Variants in ABL1 observed in about 807,000 individuals in gnomAD.
ABL1 encodes tyrosine-protein kinase ABL1.
ABL1 carries 11 observed loss-of-function variants against 94.7 expected under a neutral mutation model. That is an observed-to-expected ratio of 0.12 (90% CI 0.07 to 0.19). The LOEUF (loss-of-function observed/expected upper bound fraction) is 0.19, where lower values mean the gene tolerates loss of function less well. Among genes scored for constraint, ABL1 ranks in the 10% least tolerant of loss-of-function variants. The probability of loss-of-function intolerance (pLI) is 1.00; values close to 1 mark genes in which losing one functional copy is unlikely to be tolerated. For synonymous variants in ABL1, 656 were observed against 622.4 expected (o/e 1.05, Z -0.80); for missense variants, 1,082 against 1,489.4 (o/e 0.73, Z 4.50).
intron 1 of ABL1, among the ~76,000 whole-genome samples, chr9:130,723,434 A>G (rs11790066): frequency 0.077 from 11,648 of 152,216 alleles, 570 homozygotes; most frequent in Non-Finnish European, 0.11. Context: ...TTGTCTAGCT[A>G]CTTGGGAGGC....
chr9:130,716,072 CTTTTTTTTTTTTTTTTTT>C (rs71389339), intron 1 of ABL1, among the ~76,000 whole-genome samples: 43 of 91,218 alleles, frequency 4.7e-4, no homozygotes, highest in East Asian at 8.4e-4. Flanking sequence ...GAAAAATGTC[CTTTTTTTTTTTTTTTTTT>C]TTTTTTTTTT....
rs74645318 is a variant in ABL1, at chr9:130,802,948, G to A, written c.137-51116G>A. On this transcript the variant is annotated intron_variant, in intron 1 of 10. Coordinates refer to the ABL1 transcript ENST00000372348. ...CTTTGTGTCTGTCCCATGCATGAGTGGCTCAAGGGTCAGTCAGGGATGTGA... is the reference window on the plus strand; with the variant it reads ...CTTTGTGTCTGTCCCATGCATGAGTAGCTCAAGGGTCAGTCAGGGATGTGA... Among the ~76,000 whole-genome samples, 558 of 152,278 alleles carry A rather than the reference G, an allele frequency of 3.7e-3. 5 individuals are homozygous for A. The highest frequency in any genetic ancestry group is 0.013 in the African/African-American group (549 of 41,540).
chr9:130,885,328 G>A lies in ABL1; in HGVS notation c.3038G>A (p.Arg1013Gln), dbSNP rs1285701996. Reference protein sequence around the residue: ...IPLISTRVSLRKTRQPPERIA... With the variant: ...IPLISTRVSLQKTRQPPERIA... Reference sequence around the variant, plus strand: ...CTCATATCAACCCGAGTGTCTCTTCGGAAAACCCGCCAGCCTCCAGAGCGG... The same window carrying A: ...CTCATATCAACCCGAGTGTCTCTTCAGAAAACCCGCCAGCCTCCAGAGCGG... Residue 1013 changes from arginine (R) to glutamine (Q), a missense_variant, in exon 11 of 11, where the codon CGG (arginine) becomes CAG (glutamine). Physicochemically the swap from Arg to Gln is conservative, Grantham distance 43. This residue lies in a region of ABL1 where 780 missense variants were observed against 835.8 expected (regional missense o/e 0.93). Coordinates refer to ENST00000318560, the MANE Select transcript of ABL1 (RefSeq NM_005157.6). 3 of 1,613,446 alleles carry A rather than the reference G, an allele frequency of 1.9e-6. No individual in the cohort carries two copies. Among genetic ancestry groups the A allele is most frequent in the East Asian group, 2.2e-5 (1 of 44,882 alleles).
intron 1 of ABL1, among the ~76,000 whole-genome samples, chr9:130,725,759 TTG>T (rs577311267): frequency 6.6e-6 from 1 of 151,432 alleles, no homozygotes; most frequent in Non-Finnish European, 1.5e-5. Context: ...TAATATCCCA[TTG>T]TGTGTGTATA....
chr9:130,724,477 G>A (rs1236927930), intron 1 of ABL1, among the ~76,000 whole-genome samples: 1 of 150,756 alleles, frequency 6.6e-6, no homozygotes, highest in Non-Finnish European at 1.5e-5. Context: ...ATTTATTTTT[G>A]TATTTTTAAA....
intron 1 of ABL1, among the ~76,000 whole-genome samples, chr9:130,850,961 T>G (rs2132949368): frequency 6.6e-6 from 1 of 152,214 alleles, no homozygotes; most frequent in African/African-American, 2.4e-5. Context: ...TCTCGCTCTG[T>G]CACCCAGGCT....
At chr9:130,796,223 A>T (rs1213643331) in intron 1 of ABL1, among the ~76,000 whole-genome samples, 1 of 150,130 alleles carries the variant, frequency 6.7e-6, no homozygotes, top group Non-Finnish European at 1.5e-5. Context: ...CATATATGCA[A>T]CTCATTAAGA....
chr9:130,781,120 T>A (rs1336978020), intron 1 of ABL1, among the ~76,000 whole-genome samples: 1 of 152,210 alleles, frequency 6.6e-6, no homozygotes, highest in African/African-American at 2.4e-5. Flanking sequence ...AACAGAAACT[T>A]GGAATGAAAA....
At position 130,855,034 on chromosome 9, in the gene ABL1, A is replaced by G. The variant is rs759251749; in HGVS notation, c.487A>G (p.Ile163Val). 6.2e-7 allele frequency: 1 copy of G among 1,614,214 alleles called. No individual in the cohort carries two copies. The highest frequency in any genetic ancestry group is 8.5e-7 in the Non-Finnish European group (1 of 1,180,038). ...ESESSPGQRS[I>V]SLRYEGRVYH... The stretch of plus-strand genomic sequence containing the variant: ...TGAGAGCAGTCCTGGCCAGAGGTCC[A>G]TCTCGCTGAGATACGAAGGGAGGGT... Residue 163 changes from isoleucine to valine, a missense_variant, in exon 3 of 11, where the codon ATC becomes GTC. Ile to Val is a conservative substitution (Grantham distance 29, BLOSUM62 3). Around this residue, in one of 7 missense-constraint regions of ABL1, gnomAD observed 47 missense variants for 142.2 expected, o/e 0.33. Coordinates refer to ENST00000318560, the MANE Select transcript of ABL1 (RefSeq NM_005157.6).
chr9:130,830,926 C>T (rs548225707), upstream of ABL1, among the ~76,000 whole-genome samples: 105 of 152,254 alleles, frequency 6.9e-4, 1 homozygote, highest in Admixed American at 6.7e-3. Context: ...GCAGGTAGTG[C>T]TACCCGATTG....
At chr9:130,757,637 CA>C (rs1276477252) in intron 1 of ABL1, among the ~76,000 whole-genome samples, 2 of 140,132 alleles carry the variant, frequency 1.4e-5, no homozygotes, top group Non-Finnish European at 3.0e-5. Context: ...CTCCTGGGTT[CA>C]AGTGATTCTT....
chr9:130,882,709 AT>A (rs1170518492), intron 10 of ABL1, among the ~76,000 whole-genome samples: 4 of 151,816 alleles, frequency 2.6e-5, no homozygotes, highest in Non-Finnish European at 4.4e-5. Context: ...TAATTTTTGC[AT>A]TTTTTAGTAG....
chr9:130,835,702 CTT>C lies in ABL1; in HGVS notation c.79+179_79+180del, dbSNP rs1196821632. Among the ~76,000 whole-genome samples, 2 of 151,942 alleles carry C rather than the reference CTT, an allele frequency of 1.3e-5. No homozygotes were observed. Among genetic ancestry groups the C allele is most frequent in the East Asian group, 3.9e-4 (2 of 5,126 alleles). ...TTCAGTTCTCTTATATTCTGTCTCT[CTT>C]TCTTTCTCTCTGTGTCTGTCTCTTT... On this transcript the variant is annotated intron_variant, in intron 1 of 10. Coordinates refer to ENST00000318560, the MANE Select transcript of ABL1 (RefSeq NM_005157.6). The surrounding 1 kb of genome is among the most constrained non-coding windows in gnomAD (Gnocchi z 4.6).
chr9:130,874,799 A>AG, intron 6 of ABL1, 69 bp from the exon 7 acceptor site: 1 of 1,514,712 alleles, frequency 6.6e-7, no homozygotes. Flanking sequence ...ACCTTTGCTC[A>AG]GCAGTGGTGG....
intron 4 of ABL1, among the ~76,000 whole-genome samples, chr9:130,871,524 G>A (rs889543381): frequency 2.6e-5 from 4 of 152,226 alleles, no homozygotes; most frequent in African/African-American, 9.6e-5. Flanking sequence ...ATTTTAGACT[G>A]TGAGTAATTG....
At chr9:130,790,112 A>G (rs977634906) in intron 1 of ABL1, among the ~76,000 whole-genome samples, 4 of 152,244 alleles carry the variant, frequency 2.6e-5, no homozygotes, top group Admixed American at 2.6e-4. Flanking sequence ...CTAAATATTT[A>G]AAAGTTACAA....
At chr9:130,861,616 C>T (rs1831072924) in intron 3 of ABL1, among the ~76,000 whole-genome samples, 1 of 151,986 alleles carries the variant, frequency 6.6e-6, no homozygotes, top group Admixed American at 6.6e-5. Flanking sequence ...ATCCTGTTCC[C>T]TTTTCTCCCT....
At chr9:130,808,768 T>A (rs1274694943) in intron 1 of ABL1, among the ~76,000 whole-genome samples, 2 of 152,314 alleles carry the variant, frequency 1.3e-5, no homozygotes, top group Admixed American at 1.3e-4. Context: ...CAACTACTTA[T>A]CTAACAGGTC....
At chr9:130,802,350 TC>T in intron 1 of ABL1, among the ~76,000 whole-genome samples, 1 of 152,154 alleles carries the variant, frequency 6.6e-6, no homozygotes, top group East Asian at 1.9e-4. Flanking sequence ...TGCCCTGGTC[TC>T]CCAAAATGCT....
Sources: allele counts gnomAD v4.1 joint callset (sites outside exome capture counted in the v4.1 genomes callset), GRCh38; gene constraint gnomAD v4.1.1; regional missense constraint gnomAD v4.1.1; non-coding constraint Gnocchi (gnomAD v3.1); transcripts MANE v1.5; gene names NCBI Gene and HGNC (gene_info 2026-07-23, HGNC 2026-07-21).